The following BSN variants were observed in gnomAD, a reference collection of about 807,000 sequenced individuals.
The protein encoded by BSN is protein bassoon.
A neutral mutation model predicts 264.8 loss-of-function variants in BSN; 57 were observed. That is an observed-to-expected ratio of 0.22 (90% CI 0.17 to 0.27). BSN has a LOEUF of 0.27. Among genes scored for constraint, BSN ranks in the 10% least tolerant of loss-of-function variants. The probability of loss-of-function intolerance (pLI) is 1.00; values close to 1 mark genes in which losing one functional copy is unlikely to be tolerated. For synonymous variants in BSN, 2,059 were observed against 2,137.3 expected (o/e 0.96, Z 1.01); for missense variants, 4,615 against 5,232.5 (o/e 0.88, Z 3.64).
chr3:49,591,852 G>A (rs935320177), intron 1 of BSN, among the ~76,000 whole-genome samples: 1 of 152,128 alleles, frequency 6.6e-6, no homozygotes, highest in African/African-American at 2.4e-5. Context: ...GCCTCCCAAA[G>A]GGTACGATTA....
Position 49,661,261 on chromosome 3 carries a change from G to T in BSN, c.9416G>T (p.Arg3139Leu), listed in dbSNP as rs138315575. Residue 3139 changes from arginine to leucine, a missense_variant, in exon 6 of 12, where the codon CGT becomes CTT. Arg to Leu is a moderately radical substitution (Grantham distance 102). This residue lies in a region of BSN where 3,415 missense variants were observed against 3,866.4 expected (regional missense o/e 0.88). Coordinates refer to ENST00000296452, the MANE Select transcript of BSN (RefSeq NM_003458.4). ...CTTTTTCCAGTCCCCGCTGATAGCC[G>T]TGCCCCACTGCAGAAGCCACGCCAG... is the stretch of plus-strand genomic sequence containing the variant. ...STLFPVPADS[R>L]APLQKPRQTS... 1 of 1,613,586 alleles carries T rather than the reference G, an allele frequency of 6.2e-7. No individual in the cohort carries two copies. The highest frequency in any genetic ancestry group is 8.5e-7 in the Non-Finnish European group (1 of 1,180,040).
chr3:49,661,920 A>G lies in BSN; in HGVS notation c.10075A>G (p.Lys3359Glu). Residue 3359 changes from lysine to glutamate, a missense_variant, in exon 6 of 12, where the codon AAG becomes GAG. Around this residue, in one of 3 missense-constraint regions of BSN, gnomAD observed 3,415 missense variants for 3,866.4 expected, o/e 0.88. Coordinates refer to ENST00000296452, the MANE Select transcript of BSN (RefSeq NM_003458.4). ...AGCTGCCATCTCCTCAAAGCGCAGC[A>G]AGCACCGGAAGCAGGGCATGGAGCA... ...APAAISSKRS[K>E]HRKQGMEQKI... The G allele has an allele frequency of 3.1e-6, 5 of 1,613,894 alleles. No homozygotes were observed. Among genetic ancestry groups the G allele is most frequent in the Non-Finnish European group, 4.2e-6 (5 of 1,180,046 alleles).
Position 49,653,961 on chromosome 3 carries a change from G to A in BSN, c.4405G>A (p.Ala1469Thr), listed in dbSNP as rs868820202. 1.2e-6 allele frequency: 2 copies of A among 1,614,018 alleles called. No individual in the cohort carries two copies. The highest frequency in any genetic ancestry group is 1.7e-5 in the Admixed American group (1 of 60,004). Residue 1469 changes from alanine (A) to threonine (T), a missense_variant, in exon 5 of 12, where the codon GCA (alanine) becomes ACA (threonine). By Grantham distance (58) the Ala-to-Thr change is moderately conservative (BLOSUM62 0). Coordinates refer to ENST00000296452, the MANE Select transcript of BSN (RefSeq NM_003458.4). The surrounding 1 kb of genome is among the most constrained non-coding windows in gnomAD (Gnocchi z 6.3). ...GGGTGGCACTCCTCAGCCTTCCCGG[G>A]CATATTCCTACTTTGCAAGCTCCAG... ...GEGGTPQPSR[A>T]YSYFASSSPP...
At position 49,663,019 on chromosome 3, in the gene BSN, G is replaced by A. The variant is rs778399298; in HGVS notation, c.10861G>A (p.Asp3621Asn). 3.1e-6 allele frequency: 5 copies of A among 1,613,854 alleles called. No individual in the cohort carries two copies. The highest frequency in any genetic ancestry group is 2.2e-5 in the South Asian group (2 of 91,092). ...GPARHSYHDY[D>N]EPPEEGLWPH... The stretch of plus-strand genomic sequence containing the variant: ...TGCCAGGCACAGCTACCATGACTAC[G>A]ATGAACCCCCTGAGGAGGGCCTGTG... Residue 3621 changes from aspartate (D) to asparagine (N), a missense_variant, in exon 7 of 12, where the codon GAT (aspartate) becomes AAT (asparagine). Physicochemically the swap from Asp to Asn is conservative, Grantham distance 23 (BLOSUM62 1). Transcript: ENST00000296452.
chr3:49,554,580 CCCCGCCCG>C lies in BSN; in HGVS notation c.-16_-9del. ...CGGCCCGGGCGCAGCGCGACCCCGA[CCCCGCCCG>C]CCCGCCTGCCCGCCATGGGCAACGA... On this transcript the variant is annotated 5_prime_UTR_variant, in exon 1 of 12. Coordinates refer to ENST00000296452, the MANE Select transcript of BSN (RefSeq NM_003458.4). The C allele has an allele frequency of 1.1e-6, 1 of 939,634 alleles. No homozygotes were observed. The highest frequency in any genetic ancestry group is 1.3e-6 in the Non-Finnish European group (1 of 788,540). The allele number at this position is 939,634 out of a possible 1,614,324, so 58.2% of individuals were successfully genotyped here. A position where few individuals can be genotyped will look rare whatever the true frequency, so the allele number is the denominator to read the frequency against.
rs1044499753 is a variant in BSN, at chr3:49,659,476, T to G, written c.8641-1010T>G. ...AATTTTTATTATGACATATGGTGGA[T>G]GTAGGTGGGAGGTTTTTAGGTAGTT... On this transcript the variant is annotated intron_variant, in intron 5 of 11. Transcript: ENST00000296452. Among the ~76,000 whole-genome samples the G allele has an allele frequency of 2.6e-5, 4 of 152,140 alleles. No homozygotes were observed. In the East Asian group the frequency reaches 7.7e-4, roughly 29 times the overall value.
rs375353053 is a variant in BSN, at chr3:49,653,224, G to C, written c.3668G>C (p.Gly1223Ala). Reference sequence around the variant, plus strand: ...CCCTCTCAGCCCACAGGCCCCCGGGGCCTGGGCTCCTTCGAATATCAAGAC... The same window carrying C: ...CCCTCTCAGCCCACAGGCCCCCGGGCCCTGGGCTCCTTCGAATATCAAGAC... The part of the protein sequence containing the change: ...GGPSQPTGPR[G>A]LGSFEYQDTT... Residue 1223 changes from glycine (G) to alanine (A), a missense_variant, in exon 5 of 12, where the codon GGC becomes GCC. Coordinates refer to ENST00000296452, the MANE Select transcript of BSN (RefSeq NM_003458.4). The surrounding 1 kb of genome is among the most constrained non-coding windows in gnomAD (Gnocchi z 6.3). 1.2e-6 allele frequency: 2 copies of C among 1,612,196 alleles called. No homozygotes were observed. The highest frequency in any genetic ancestry group is 1.3e-5 in the African/African-American group (1 of 74,962).
At position 49,653,988 on chromosome 3, in the gene BSN, C is replaced by A. The variant is rs763551293; in HGVS notation, c.4432C>A (p.Pro1478Thr). 1 of 1,614,016 alleles carries A rather than the reference C, an allele frequency of 6.2e-7. No individual in the cohort carries two copies. Among genetic ancestry groups the A allele is most frequent in the African/African-American group, 1.3e-5 (1 of 75,040 alleles). The stretch of plus-strand genomic sequence containing the variant: ...ATATTCCTACTTTGCAAGCTCCAGC[C>A]CACCTCTCTCCCCGTCTTCCCCCTC... ...RAYSYFASSS[P>T]PLSPSSPSES... The change falls in exon 5 of 12, where the codon CCA becomes ACA. Residue 1478 changes from proline (P) to threonine (T), a missense_variant. Physicochemically the swap from Pro to Thr is conservative, Grantham distance 38. Around this residue, in one of 3 missense-constraint regions of BSN, gnomAD observed 3,415 missense variants for 3,866.4 expected, o/e 0.88. Transcript: ENST00000296452. The surrounding 1 kb of genome is among the most constrained non-coding windows in gnomAD (Gnocchi z 6.3).
At chr3:49,662,583 T>C (rs747765656) in intron 6 of BSN, 21 bp downstream of exon 6, 1 of 1,562,650 alleles carries the variant, frequency 6.4e-7, no homozygotes, top group Non-Finnish European at 8.7e-7. Flanking sequence ...CCAGGGGTGA[T>C]TTCTGCGGAT....
Position 49,670,667 on chromosome 3 carries a change from A to G in BSN, c.*3182A>G, listed in dbSNP as rs2052748029. 6.6e-6 allele frequency: 1 copy of G among 152,332 alleles called. No individual in the cohort carries two copies. Among genetic ancestry groups the G allele is most frequent in the African/African-American group, 2.4e-5 (1 of 41,458 alleles). The allele number at this position is 152,332 out of a possible 1,614,324, so 9.4% of individuals were successfully genotyped here. A position where few individuals can be genotyped will look rare whatever the true frequency, so the allele number is the denominator to read the frequency against. On this transcript the variant is annotated 3_prime_UTR_variant, in exon 12 of 12. Transcript: ENST00000296452. ...AATGGGCAAGGAGTCTCTAGCATGCAGCCCAGGCCTTCTCCATACCCCTCT... is the reference window on the plus strand; with the variant it reads ...AATGGGCAAGGAGTCTCTAGCATGCGGCCCAGGCCTTCTCCATACCCCTCT...
intron 1 of BSN, among the ~76,000 whole-genome samples, chr3:49,573,129 T>C (rs1010163131): frequency 1.3e-5 from 2 of 152,158 alleles, no homozygotes; most frequent in Non-Finnish European, 2.9e-5. Flanking sequence ...TTTAATCACA[T>C]ACAAATCAAA....
At chr3:49,564,922 G>A (rs2051740856) in intron 1 of BSN, among the ~76,000 whole-genome samples, 1 of 151,794 alleles carries the variant, frequency 6.6e-6, no homozygotes. Flanking sequence ...CTTTGGCTCT[G>A]TAGGGTAGGT....
At chr3:49,570,326 G>A (rs1050781693) in intron 1 of BSN, among the ~76,000 whole-genome samples, 2 of 152,170 alleles carry the variant, frequency 1.3e-5, no homozygotes, top group African/African-American at 4.8e-5. Flanking sequence ...GAACAGGGAG[G>A]CTTGATCTGG....
chr3:49,595,946 A>C (rs1199046834), intron 1 of BSN, among the ~76,000 whole-genome samples: 1 of 152,032 alleles, frequency 6.6e-6, no homozygotes, highest in African/African-American at 2.4e-5. Context: ...ATGTAGTTTT[A>C]TTTCTTCCTT....
chr3:49,615,634 T>C (rs996324388), intron 1 of BSN, among the ~76,000 whole-genome samples: 1 of 152,220 alleles, frequency 6.6e-6, no homozygotes, highest in African/African-American at 2.4e-5. Context: ...TGCCATCTTC[T>C]TGGGCAATCA....
chr3:49,572,051 A>C (rs1327140226), intron 1 of BSN, among the ~76,000 whole-genome samples: 1 of 152,206 alleles, frequency 6.6e-6, no homozygotes, highest in African/African-American at 2.4e-5. Context: ...CAGCGGAAAC[A>C]CAACAGTCAG....
intron 3 of BSN, 100 bp from the exon 4 acceptor site, chr3:49,650,510 GTT>G: frequency 1.7e-6 from 2 of 1,156,486 alleles, no homozygotes; most frequent in Non-Finnish European, 2.5e-6. Flanking sequence ...TGCTTTGAAA[GTT>G]CTCTCCTCCC....
Position 49,656,681 on chromosome 3 carries a change from A to G in BSN, c.7125A>G (p.Leu2375=), listed in dbSNP as rs1194087192. ...AGCAACAGGAGCAGCTGCTCCAGCT[A>G]GAGCGGGAGCGGGTGGAGTTGGAGA... ...QRKQQEQLLQ[L]ERERVELEKL... Residue 2375 remains leucine, a synonymous_variant, in exon 5 of 12, where the codon CTA becomes CTG. Coordinates refer to ENST00000296452, the MANE Select transcript of BSN (RefSeq NM_003458.4). 3 of 1,599,166 alleles carry G rather than the reference A, an allele frequency of 1.9e-6. No individual in the cohort carries two copies. The East Asian group carries it at 6.8e-5, about 36-fold the overall frequency.
At chr3:49,615,771 G>T (rs1284943863) in intron 1 of BSN, among the ~76,000 whole-genome samples, 1 of 152,210 alleles carries the variant, frequency 6.6e-6, no homozygotes, top group Non-Finnish European at 1.5e-5. Flanking sequence ...GCCCTTGATG[G>T]CTGGGGGCCT....
Sources: gnomAD v4.1 joint callset for allele counts (sites outside exome capture counted in the v4.1 genomes callset) on GRCh38, gnomAD v4.1.1 for gene constraint, gnomAD v4.1.1 regional missense constraint, Gnocchi (gnomAD v3.1) non-coding constraint, MANE v1.5 for transcripts, NCBI Gene and HGNC (gene_info 2026-07-23, HGNC 2026-07-21) for gene names.